NRXN1: variants seen among roughly 807,000 people sequenced by gnomAD.
The protein encoded by NRXN1 is neurexin-1.
NRXN1 carries 39 observed loss-of-function variants against 150.9 expected under a neutral mutation model. That is an observed-to-expected ratio of 0.26 (90% CI 0.20 to 0.34). The LOEUF (loss-of-function observed/expected upper bound fraction) is 0.34, where lower values mean the gene tolerates loss of function less well. Among genes scored for constraint, NRXN1 ranks in the 10% least tolerant of loss-of-function variants. The pLI is 1.00. For missense variants in NRXN1, 1,815 were observed against 1,949.9 expected, an observed-to-expected ratio of 0.93 and a Z score of 1.30; for synonymous variants, 924 against 757.0, an observed-to-expected ratio of 1.22 and a Z score of -3.62.
intron 5 of NRXN1, among the ~76,000 whole-genome samples, chr2:50,778,470 C>A (rs1278283710): frequency 2.6e-5 from 4 of 152,112 alleles, no homozygotes; most frequent in Admixed American, 2.6e-4. Flanking sequence ...CAATATGGGG[C>A]ATAATGGTAG....
intron 21 of NRXN1, among the ~76,000 whole-genome samples, chr2:49,946,868 A>T (rs1026485821): frequency 2.0e-5 from 3 of 152,194 alleles, no homozygotes; most frequent in African/African-American, 7.2e-5. Flanking sequence ...AAACAGATAT[A>T]TAGACCAATG....
chr2:50,955,115 T>TA lies in NRXN1; in HGVS notation c.773-29161dup, dbSNP rs371858615. Among the ~76,000 whole-genome samples, 430 of 152,264 alleles carry TA rather than the reference T, an allele frequency of 2.8e-3. 2 individuals carry two copies. The highest frequency in any genetic ancestry group is 4.9e-3 in the Non-Finnish European group (330 of 68,014). The stretch of plus-strand genomic sequence containing the variant: ...ACACACACACGCACACACAAACTCT[T>TA]ACATAATTGTCTGGTTAGGGAAGTA... On this transcript the variant is annotated intron_variant, in intron 2 of 22. Transcript: ENST00000401669.
chr2:50,676,394 T>C (rs1689547889), intron 5 of NRXN1, among the ~76,000 whole-genome samples: 2 of 152,148 alleles, frequency 1.3e-5, no homozygotes, highest in Admixed American at 6.6e-5. Flanking sequence ...GAAGGTTAGA[T>C]AGATTAGAAG....
intron 17 of NRXN1, among the ~76,000 whole-genome samples, chr2:50,268,022 T>A (rs1411838587): frequency 1.3e-5 from 2 of 152,036 alleles, no homozygotes; most frequent in Admixed American, 1.3e-4. Flanking sequence ...AAACCTCGTC[T>A]CTACCAAAAT....
intron 18 of NRXN1, among the ~76,000 whole-genome samples, chr2:50,125,447 AG>A (rs1704443797): frequency 6.6e-6 from 1 of 152,106 alleles, no homozygotes; most frequent in Non-Finnish European, 1.5e-5. Context: ...TACCAAAAAC[AG>A]GGCCCAACAG....
intron 5 of NRXN1, among the ~76,000 whole-genome samples, chr2:50,842,239 A>G (rs1465685620): frequency 2.6e-5 from 4 of 152,166 alleles, no homozygotes; most frequent in African/African-American, 9.7e-5. Flanking sequence ...CTTTTCTATT[A>G]CTATTTAAGG....
intron 5 of NRXN1, among the ~76,000 whole-genome samples, chr2:50,847,044 T>A (rs576936383): frequency 6.6e-6 from 1 of 152,208 alleles, no homozygotes; most frequent in South Asian, 2.1e-4. Flanking sequence ...TTCTTCTCTG[T>A]AACCTTTGCC....
At position 50,031,294 on chromosome 2, in the gene NRXN1, G is replaced by GT. The variant is rs970949189; in HGVS notation, c.4128+21976dup. Among the ~76,000 whole-genome samples, 8 of 151,976 alleles carry GT rather than the reference G, an allele frequency of 5.3e-5. No individual in the cohort carries two copies. The East Asian group carries it at 5.8e-4, about 11-fold the overall frequency. Reference sequence around the variant, plus strand: ...GTTATTACACTGCTAATCTTGGTGTGTTTTTTTAAAAACGTAACATCCTTC... The same window carrying GT: ...GTTATTACACTGCTAATCTTGGTGTGTTTTTTTTAAAAACGTAACATCCTTC... On this transcript the variant is annotated intron_variant, in intron 21 of 22. Transcript: ENST00000401669.
At chr2:50,087,651 T>C (rs1275967153) in intron 19 of NRXN1, among the ~76,000 whole-genome samples, 1 of 152,154 alleles carries the variant, frequency 6.6e-6, no homozygotes, top group Non-Finnish European at 1.5e-5. Context: ...AAATATTATC[T>C]CTGTACTTTG....
At chr2:50,740,691 C>T (rs933505759) in intron 5 of NRXN1, among the ~76,000 whole-genome samples, 3 of 152,080 alleles carry the variant, frequency 2.0e-5, no homozygotes, top group Non-Finnish European at 4.4e-5. Flanking sequence ...TATTTCTTTA[C>T]TGGCAGAATT....
chr2:50,423,897 T>A (rs962739619), intron 17 of NRXN1, among the ~76,000 whole-genome samples: 7 of 152,122 alleles, frequency 4.6e-5, no homozygotes, highest in African/African-American at 1.7e-4. Flanking sequence ...ATCGCTGGTA[T>A]CTGCCATAGG....
chr2:50,008,126 T>A (rs17441066), intron 21 of NRXN1, among the ~76,000 whole-genome samples: 71,381 of 151,942 alleles, frequency 0.47, 17,399 homozygotes, highest in Middle Eastern at 0.61. Context: ...CTTATTAATT[T>A]CGTCTCCCCA....
chr2:50,764,814 A>C lies in NRXN1; in HGVS notation c.833-141199T>G, dbSNP rs376849950. Among the ~76,000 whole-genome samples the C allele has an allele frequency of 9.1e-4, 138 of 152,174 alleles. 4 individuals are homozygous for C. In the South Asian group the frequency reaches 0.028, roughly 31 times the overall value. On this transcript the variant is annotated intron_variant, in intron 5 of 22. Coordinates refer to ENST00000401669, the MANE Select transcript of NRXN1 (RefSeq NM_001330078.2). ...GCAACAAAGGACCACTAAATTGCCA[A>C]AATGCTCAAGAGCATGATTTACTGT...
chr2:50,277,111 A>T (rs1374253755), intron 17 of NRXN1, among the ~76,000 whole-genome samples: 4 of 152,142 alleles, frequency 2.6e-5, no homozygotes, highest in Non-Finnish European at 5.9e-5. Flanking sequence ...AAAATATTAT[A>T]ACTCTCTCTG....
At chr2:50,672,834 C>G (rs575947098) in intron 5 of NRXN1, among the ~76,000 whole-genome samples, 1 of 152,042 alleles carries the variant, frequency 6.6e-6, no homozygotes, top group Non-Finnish European at 1.5e-5. Flanking sequence ...AATGGGAGAT[C>G]TCTTATGAAA....
At chr2:50,539,534 G>A (rs1301505234) in intron 9 of NRXN1, among the ~76,000 whole-genome samples, 1 of 151,412 alleles carries the variant, frequency 6.6e-6, no homozygotes, top group African/African-American at 2.4e-5. Context: ...GAAAAAAAAA[G>A]AAAGATATAA....
chr2:50,210,178 G>T (rs578005433), intron 18 of NRXN1, among the ~76,000 whole-genome samples: 30 of 151,862 alleles, frequency 2.0e-4, no homozygotes, highest in Non-Finnish European at 4.3e-4. Context: ...GAATAGCCTT[G>T]TTTTGTTTTC....
rs753212939 is a variant in NRXN1, at chr2:50,236,835, C to T, written c.3500G>A (p.Arg1167Gln). The change falls in exon 18 of 23, where the codon CGA becomes CAA. Residue 1167 changes from arginine (R) to glutamine (Q), a missense_variant. Arg to Gln is a conservative substitution (Grantham distance 43). Around this residue, in one of 6 missense-constraint regions of NRXN1, gnomAD observed 339 missense variants for 440.3 expected, o/e 0.77. Coordinates refer to ENST00000401669, the MANE Select transcript of NRXN1 (RefSeq NM_001330078.2). ...STVQKEAVLV[R>Q]VDSSSGLGDY... Reference sequence around the variant, plus strand: ...ACCCAAGCCTGAAGAACTGTCCACTCGCACCAATACGGCTTCTTTCTGAAC... The same window carrying T: ...ACCCAAGCCTGAAGAACTGTCCACTTGCACCAATACGGCTTCTTTCTGAAC... The T allele has an allele frequency of 5.0e-6, 8 of 1,613,304 alleles. No individual in the cohort carries two copies. Among genetic ancestry groups the T allele is most frequent in the Non-Finnish European group, 4.2e-6 (5 of 1,179,608 alleles).
intron 17 of NRXN1, among the ~76,000 whole-genome samples, chr2:50,266,219 G>A (rs1290950558): frequency 6.7e-6 from 1 of 149,210 alleles, no homozygotes; most frequent in Non-Finnish European, 1.5e-5. Context: ...GGTTGGTCTT[G>A]AACGCCTGAC....
Sources: gnomAD v4.1 joint callset for allele counts (sites outside exome capture counted in the v4.1 genomes callset) on GRCh38, gnomAD v4.1.1 for gene constraint, gnomAD v4.1.1 regional missense constraint, MANE v1.5 for transcripts, NCBI Gene and HGNC (gene_info 2026-07-23, HGNC 2026-07-21) for gene names.